Variants in SLC17A8 observed in about 807,000 individuals in gnomAD.
The protein encoded by SLC17A8 is vesicular glutamate transporter 3.
Under a neutral mutation model 58.0 loss-of-function variants are expected in SLC17A8, and 31 were observed. The ratio of observed to expected loss-of-function variants is 0.53; its 90% CI spans 0.40 to 0.72. SLC17A8 has a LOEUF of 0.72. Among genes scored for constraint, SLC17A8 ranks in the 30% least tolerant of loss-of-function variants. The pLI is 0.00. For synonymous variants in SLC17A8, 228 were observed against 249.0 expected, an observed-to-expected ratio of 0.92 and a Z score of 0.79; for missense variants, 655 against 727.8, an observed-to-expected ratio of 0.90 and a Z score of 1.15.
intron 9 of SLC17A8, among the ~76,000 whole-genome samples, chr12:100,405,082 G>A (rs1333565960): frequency 6.6e-6 from 1 of 152,256 alleles, no homozygotes; most frequent in Non-Finnish European, 1.5e-5. Context: ...AGACTATACC[G>A]AGGGACACAG....
chr12:100,369,539 C>A (rs757595538), intron 1 of SLC17A8, among the ~76,000 whole-genome samples: 6 of 152,230 alleles, frequency 3.9e-5, no homozygotes, highest in Non-Finnish European at 7.3e-5. Context: ...TGCCATTCCC[C>A]TGCATGCTGT....
intron 5 of SLC17A8, among the ~76,000 whole-genome samples, chr12:100,399,138 C>T (rs1362469279): frequency 6.6e-6 from 1 of 152,128 alleles, no homozygotes; most frequent in Non-Finnish European, 1.5e-5. Context: ...GATTTAAATT[C>T]TTACAGCTAG....
intron 5 of SLC17A8, among the ~76,000 whole-genome samples, chr12:100,399,243 TGCAGTCTGCTCCCCAGGGCAGTCTGGGA>T (rs1331213454): frequency 1.3e-5 from 2 of 152,180 alleles, no homozygotes; most frequent in Non-Finnish European, 2.9e-5. Flanking sequence ...GGGACTGAGC[TGCAGTCTGCTCCCCAGGGCAGTCTGGGA>T]GCAGCTGGGG....
intron 2 of SLC17A8, among the ~76,000 whole-genome samples, chr12:100,390,741 C>A (rs775359348): frequency 1.3e-5 from 2 of 152,022 alleles, no homozygotes; most frequent in African/African-American, 4.8e-5. Context: ...CTCCTGGGCT[C>A]AAGCCAGGAG....
intron 1 of SLC17A8, among the ~76,000 whole-genome samples, chr12:100,371,890 C>T (rs1446954633): frequency 6.6e-6 from 1 of 152,064 alleles, no homozygotes; most frequent in East Asian, 1.9e-4. Context: ...GTCTTCTGAG[C>T]GTCTCAGTCT....
At position 100,419,968 on chromosome 12, in the gene SLC17A8, G is replaced by A. The variant is rs755212082; in HGVS notation, c.1579G>A (p.Glu527Lys). The change falls in exon 12 of 12, where the codon GAA becomes AAA. Residue 527 changes from glutamate (E) to lysine (K), a missense_variant. Coordinates refer to ENST00000323346, the MANE Select transcript of SLC17A8 (RefSeq NM_139319.3). The stretch of plus-strand genomic sequence containing the variant: ...GAAATGTGGAATCATTGACCAGGAC[G>A]AATTAGCTGAGGAGATAGAACTCAA... ...EEKCGIIDQD[E>K]LAEEIELNHE... 4.3e-6 allele frequency: 7 copies of A among 1,614,104 alleles called. No individual in the cohort carries two copies. The Admixed American group carries it at 5.0e-5, about 12-fold the overall frequency.
intron 8 of SLC17A8, 55 bp from the exon 9 acceptor site, chr12:100,403,983 G>A (rs984157172): frequency 2.5e-5 from 41 of 1,609,246 alleles, no homozygotes; most frequent in Non-Finnish European, 3.2e-5. Flanking sequence ...GGGAATTAGG[G>A]AGGCCCCTCT....
chr12:100,374,580 C>T (rs1952581421), intron 1 of SLC17A8, among the ~76,000 whole-genome samples: 1 of 152,148 alleles, frequency 6.6e-6, no homozygotes, highest in Admixed American at 6.5e-5. Flanking sequence ...CCACTGCACT[C>T]CAACCTGGGT....
chr12:100,396,658 G>A (rs1952756693), intron 5 of SLC17A8, among the ~76,000 whole-genome samples: 1 of 151,994 alleles, frequency 6.6e-6, no homozygotes, highest in African/African-American at 2.4e-5. Context: ...GCTGAGGCAG[G>A]AGGACTGCTT....
rs1218826366 is a variant in SLC17A8, at chr12:100,418,059, C to T, written c.1328C>T (p.Pro443Leu). 2.5e-6 allele frequency: 4 copies of T among 1,614,220 alleles called. No homozygotes were observed. Among genetic ancestry groups the T allele is most frequent in the Non-Finnish European group, 3.4e-6 (4 of 1,180,034 alleles). The stretch of plus-strand genomic sequence containing the variant: ...AATGTCAACCACCTGGACATTGCCC[C>T]ACGCTATGCCAGCATTCTCATGGGG... Reference protein sequence around the residue: ...GFNVNHLDIAPRYASILMGIS... With the variant: ...GFNVNHLDIALRYASILMGIS... Residue 443 changes from proline (P) to leucine (L), a missense_variant, in exon 11 of 12, where the codon CCA (proline) becomes CTA (leucine). Coordinates refer to ENST00000323346, the MANE Select transcript of SLC17A8 (RefSeq NM_139319.3).
chr12:100,373,148 G>A (rs533699731), intron 1 of SLC17A8, among the ~76,000 whole-genome samples: 6 of 152,174 alleles, frequency 3.9e-5, no homozygotes, highest in African/African-American at 1.4e-4. Context: ...TGCAGACCGC[G>A]GCTGTCTATA....
chr12:100,393,405 G>T lies in SLC17A8; in HGVS notation c.510G>T (p.Leu170=). 1 of 1,613,770 alleles carries T rather than the reference G, an allele frequency of 6.2e-7. No homozygotes were observed. Among genetic ancestry groups the T allele is most frequent in the South Asian group, 1.1e-5 (1 of 91,020 alleles). The stretch of plus-strand genomic sequence containing the variant: ...CTGCCATCTTCTTAACATCGACTCT[G>T]AACATGTTTATTCCCTCTGCAGCCA... ...FGAAIFLTST[L]NMFIPSAARV... is the part of the protein sequence containing the mutation. The change falls in exon 4 of 12, where the codon CTG becomes CTT. Residue 170 remains leucine (L), a synonymous_variant. Coordinates refer to ENST00000323346, the MANE Select transcript of SLC17A8 (RefSeq NM_139319.3).
chr12:100,361,277 T>C (rs1043736911), intron 1 of SLC17A8, among the ~76,000 whole-genome samples: 5 of 152,240 alleles, frequency 3.3e-5, no homozygotes, highest in African/African-American at 1.2e-4. Flanking sequence ...GAAGGCTCTC[T>C]GAGTTCATCT....
intron 1 of SLC17A8, among the ~76,000 whole-genome samples, chr12:100,360,245 T>C (rs1952476005): frequency 6.6e-6 from 1 of 152,202 alleles, no homozygotes; most frequent in South Asian, 2.1e-4. Flanking sequence ...ATAGATGACA[T>C]AGAAAGCATT....
chr12:100,406,422 G>A (rs780041942), intron 9 of SLC17A8, among the ~76,000 whole-genome samples: 3 of 152,138 alleles, frequency 2.0e-5, no homozygotes, highest in East Asian at 3.9e-4. Context: ...AGACGGGATC[G>A]GGATGTTTTT....
At chr12:100,373,267 T>C (rs1340503510) in intron 1 of SLC17A8, among the ~76,000 whole-genome samples, 1 of 152,214 alleles carries the variant, frequency 6.6e-6, no homozygotes, top group Non-Finnish European at 1.5e-5. Flanking sequence ...GATAAATAGC[T>C]ATTATGGATA....
At chr12:100,390,269 A>G (rs992002285) in intron 2 of SLC17A8, among the ~76,000 whole-genome samples, 2 of 151,946 alleles carry the variant, frequency 1.3e-5, no homozygotes, top group Admixed American at 1.3e-4. Flanking sequence ...CCATTAATAT[A>G]AATACATATA....
intron 1 of SLC17A8, among the ~76,000 whole-genome samples, chr12:100,379,818 T>G (rs934121291): frequency 1.1e-4 from 17 of 152,122 alleles, no homozygotes; most frequent in Admixed American, 2.0e-4. Flanking sequence ...AGAGGAACCA[T>G]CTAAGGAGAA....
intron 11 of SLC17A8, among the ~76,000 whole-genome samples, chr12:100,419,178 A>G (rs1044680829): frequency 1.3e-5 from 2 of 152,216 alleles, no homozygotes; most frequent in African/African-American, 4.8e-5. Flanking sequence ...TTAGCTGACT[A>G]TGTGAAGGGA....
Sources: gnomAD v4.1 joint callset for allele counts (sites outside exome capture counted in the v4.1 genomes callset) on GRCh38, gnomAD v4.1.1 for gene constraint, MANE v1.5 for transcripts, NCBI Gene and HGNC (gene_info 2026-07-23, HGNC 2026-07-21) for gene names.